The following RIMS1 variants were observed in gnomAD, a reference collection of about 807,000 sequenced individuals.
The protein encoded by RIMS1 is regulating synaptic membrane exocytosis protein 1.
A neutral mutation model predicts 214.1 loss-of-function variants in RIMS1; 83 were observed. That is an observed-to-expected ratio of 0.39 (90% CI 0.32 to 0.47). The LOEUF is 0.47. Ranked by LOEUF, RIMS1 falls within the 20% of genes least tolerant of loss-of-function variation. The probability of loss-of-function intolerance (pLI) is 0.99; values close to 1 mark genes in which losing one functional copy is unlikely to be tolerated. For synonymous variants in RIMS1, 793 were observed against 786.8 expected (o/e 1.01, Z -0.13); for missense variants, 2,050 against 2,161.8 (o/e 0.95, Z 1.03).
intron 2 of RIMS1, among the ~76,000 whole-genome samples, chr6:72,001,822 G>A (rs1370614675): frequency 6.6e-6 from 1 of 152,112 alleles, no homozygotes; most frequent in Non-Finnish European, 1.5e-5. Context: ...ACATCCCTGT[G>A]ATATTTTGGA....
At chr6:72,142,527 C>A (rs1028894618) in intron 4 of RIMS1, among the ~76,000 whole-genome samples, 1 of 151,962 alleles carries the variant, frequency 6.6e-6, no homozygotes, top group Admixed American at 6.5e-5. Flanking sequence ...ATCAGAGCTA[C>A]CCCAGATCAT....
chr6:72,380,902 C>T (rs2098475665), intron 29 of RIMS1, among the ~76,000 whole-genome samples: 1 of 152,062 alleles, frequency 6.6e-6, no homozygotes, highest in Non-Finnish European at 1.5e-5. Flanking sequence ...TAATCTCATC[C>T]TCAGACAATT....
intron 2 of RIMS1, among the ~76,000 whole-genome samples, chr6:72,031,367 T>C (rs1447837759): frequency 6.6e-6 from 1 of 152,154 alleles, no homozygotes; most frequent in Non-Finnish European, 1.5e-5. Flanking sequence ...ATTCTTTATA[T>C]CTCAACTCAT....
chr6:72,340,930 C>A (rs1479984390), intron 29 of RIMS1, among the ~76,000 whole-genome samples: 1 of 152,060 alleles, frequency 6.6e-6, no homozygotes, highest in Non-Finnish European at 1.5e-5. Flanking sequence ...GAATGTTCTT[C>A]CATTTGTTTG....
At chr6:72,109,545 GTTGT>G (rs1179132713) in intron 4 of RIMS1, among the ~76,000 whole-genome samples, 9 of 151,638 alleles carry the variant, frequency 5.9e-5, no homozygotes, top group East Asian at 1.9e-4. Context: ...TTTTGATGGG[GTTGT>G]TTGTTTTTTT....
At chr6:72,083,503 C>A (rs1408233626) in intron 2 of RIMS1, among the ~76,000 whole-genome samples, 1 of 152,036 alleles carries the variant, frequency 6.6e-6, no homozygotes, top group Non-Finnish European at 1.5e-5. Context: ...GACCTATTTG[C>A]CCCTCGCTAG....
intron 29 of RIMS1, among the ~76,000 whole-genome samples, chr6:72,366,573 T>C (rs1235522535): frequency 1.3e-5 from 2 of 152,230 alleles, no homozygotes; most frequent in Non-Finnish European, 2.9e-5. Flanking sequence ...ATGGCAAATT[T>C]GCTTAGTGAT....
Position 72,104,487 on chromosome 6 carries a change from G to A in RIMS1, c.471+4501G>A, listed in dbSNP as rs544042720. Among the ~76,000 whole-genome samples the A allele has an allele frequency of 5.9e-5, 9 of 152,280 alleles. No homozygotes were observed. In the South Asian group the frequency reaches 1.7e-3, roughly 28 times the overall value. ...GGGAGCTCCTGACCACTCAACAGCA[G>A]TTACTTATAATGGAGCTTCTGCACC... On this transcript the variant is annotated intron_variant, in intron 4 of 33. Transcript: ENST00000521978.
chr6:72,146,747 T>G (rs1158455102), intron 4 of RIMS1, among the ~76,000 whole-genome samples: 1 of 152,256 alleles, frequency 6.6e-6, no homozygotes, highest in African/African-American at 2.4e-5. Flanking sequence ...CAAAAATTTA[T>G]ATTCCCATGC....
rs893699367 is a variant in RIMS1 at position 72,017,731 on chromosome 6, A to C, written c.245+48668A>C. ...AATACTTAAGGAGAAAATTTTCAAA[A>C]TAAAGAGAATAGGGGCAGGGAGTAT... On this transcript the variant is annotated intron_variant, in intron 2 of 33. Transcript: ENST00000521978. 2.4e-4 allele frequency among the ~76,000 whole-genome samples: 37 copies of C among 152,232 alleles called. 1 individual carries two copies. Among genetic ancestry groups the C allele is most frequent in the Non-Finnish European group, 1.5e-5 (1 of 68,036 alleles).
chr6:72,239,180 C>T (rs2065607545), intron 9 of RIMS1, among the ~76,000 whole-genome samples: 1 of 152,036 alleles, frequency 6.6e-6, no homozygotes, highest in Non-Finnish European at 1.5e-5. Context: ...ATAACTTTAA[C>T]TACAGAAACC....
intron 1 of RIMS1, among the ~76,000 whole-genome samples, chr6:71,944,596 G>A (rs12209377): frequency 0.24 from 37,200 of 152,084 alleles, 4,746 homozygotes; most frequent in East Asian, 0.36. Context: ...AGGCAGAAAA[G>A]TAGTGAGACC....
At chr6:71,977,465 CAG>C (rs1438256408) in intron 2 of RIMS1, among the ~76,000 whole-genome samples, 1 of 152,096 alleles carries the variant, frequency 6.6e-6, no homozygotes, top group African/African-American at 2.4e-5. Context: ...ATGAACAAAG[CAG>C]AGTCTTTGTC....
At chr6:72,271,710 A>G (rs1211759094) in intron 22 of RIMS1, among the ~76,000 whole-genome samples, 2 of 152,204 alleles carry the variant, frequency 1.3e-5, no homozygotes, top group South Asian at 2.1e-4. Flanking sequence ...TCAATTCTCA[A>G]TCCCCTTATG....
chr6:71,933,853 A>G (rs996237809), intron 1 of RIMS1, among the ~76,000 whole-genome samples: 1 of 152,190 alleles, frequency 6.6e-6, no homozygotes, highest in Non-Finnish European at 1.5e-5. Flanking sequence ...ATAATTTCAA[A>G]TCTTAGGAAC....
chr6:72,133,165 T>C (rs1292116779), intron 4 of RIMS1, among the ~76,000 whole-genome samples: 3 of 151,936 alleles, frequency 2.0e-5, no homozygotes, highest in Admixed American at 6.6e-5. Flanking sequence ...ATGCCATTAA[T>C]TCATAAGAGA....
At chr6:72,168,651 T>G (rs922177480) in intron 4 of RIMS1, among the ~76,000 whole-genome samples, 1 of 151,766 alleles carries the variant, frequency 6.6e-6, no homozygotes, top group Non-Finnish European at 1.5e-5. Flanking sequence ...TGTCTCATAG[T>G]GCACATGCTT....
chr6:72,137,390 A>G (rs2041457236), intron 4 of RIMS1, among the ~76,000 whole-genome samples: 2 of 152,196 alleles, frequency 1.3e-5, no homozygotes, highest in South Asian at 4.1e-4. Flanking sequence ...TGTGAACATG[A>G]TACATATAAA....
At chr6:72,249,205 GA>G (rs1169118365) in intron 12 of RIMS1, among the ~76,000 whole-genome samples, 1 of 152,068 alleles carries the variant, frequency 6.6e-6, no homozygotes, top group Non-Finnish European at 1.5e-5. Flanking sequence ...AACATAAAAT[GA>G]AAAGTAACTT....
Sources: allele counts gnomAD v4.1 joint callset (sites outside exome capture counted in the v4.1 genomes callset), GRCh38; gene constraint gnomAD v4.1.1; transcripts MANE v1.5; gene names NCBI Gene and HGNC (gene_info 2026-07-23, HGNC 2026-07-21).